CFAP54: variants seen among roughly 807,000 people sequenced by gnomAD.
CFAP54 encodes the protein cilia and flagella associated protein 54.
A neutral mutation model predicts 370.4 loss-of-function variants in CFAP54; 290 were observed. That is an observed-to-expected ratio of 0.78 (90% confidence interval 0.71 to 0.86). The LOEUF is 0.86. CFAP54 is among the 40% of genes least tolerant of loss of function. CFAP54 has a pLI of 0.00. For synonymous variants in CFAP54, 1,206 were observed against 1,236.5 expected, an observed-to-expected ratio of 0.98 and a Z score of 0.52; for missense variants, 3,399 against 3,528.7, an observed-to-expected ratio of 0.96 and a Z score of 0.93.
chr12:96,575,318 C>T (rs1168106002), intron 19 of CFAP54, among the ~76,000 whole-genome samples: 1 of 152,084 alleles, frequency 6.6e-6, no homozygotes, highest in Non-Finnish European at 1.5e-5. Flanking sequence ...AAAACATTTT[C>T]TCCCATTCTG....
intron 15 of CFAP54, among the ~76,000 whole-genome samples, chr12:96,550,104 C>CT (rs1469794395): frequency 6.6e-6 from 1 of 152,126 alleles, no homozygotes; most frequent in African/African-American, 2.4e-5. Flanking sequence ...TTATACTGGG[C>CT]TATGGCAACT....
At chr12:96,543,590 T>C (rs1037468315) in intron 14 of CFAP54, among the ~76,000 whole-genome samples, 6 of 133,578 alleles carry the variant, frequency 4.5e-5, no homozygotes, top group African/African-American at 1.6e-4. Flanking sequence ...TATTTTTGAG[T>C]GTGTAATGGA....
intron 60 of CFAP54, among the ~76,000 whole-genome samples, chr12:96,780,204 AG>A (rs1329428259): frequency 6.6e-6 from 1 of 152,134 alleles, no homozygotes; most frequent in Admixed American, 6.5e-5. Flanking sequence ...CCAATTAATT[AG>A]TCCTTATAAT....
Position 96,738,644 on chromosome 12 carries a change from C to T in CFAP54, c.6966-1312C>T, listed in dbSNP as rs1320216487. Among the ~76,000 whole-genome samples, 3 of 144,762 alleles carry T rather than the reference C, an allele frequency of 2.1e-5. No individual in the cohort carries two copies. In the East Asian group the frequency reaches 6.6e-4, roughly 32 times the overall value. 95.0% of individuals were successfully genotyped at this position (144,762 alleles called of 152,430 possible). A position where few individuals can be genotyped will look rare whatever the true frequency, so the allele number is the denominator to read the frequency against. On this transcript the variant is annotated intron_variant, in intron 50 of 67. Transcript: ENST00000524981. ...TTTTTTTTTTTGAAACGGGGTCTCA[C>T]TCTGTCGCCGGGCTGGAGTTCAATG...
intron 19 of CFAP54, among the ~76,000 whole-genome samples, chr12:96,574,900 T>C (rs1296641683): frequency 6.6e-6 from 1 of 152,146 alleles, no homozygotes. Flanking sequence ...TGAGAGGATA[T>C]CTGTTTCTCT....
chr12:96,554,412 C>G (rs747867302), intron 16 of CFAP54, 102 bp downstream of exon 16: 2 of 1,322,134 alleles, frequency 1.5e-6, no homozygotes, highest in Non-Finnish European at 2.0e-6. Context: ...GTTGGCTTAC[C>G]TCTCATAGGC....
chr12:96,689,097 A>T (rs1039052677), intron 43 of CFAP54, 115 bp downstream of exon 43: 3 of 576,202 alleles, frequency 5.2e-6, no homozygotes, highest in Non-Finnish European at 6.0e-6. Context: ...ATGAATCTTG[A>T]TTAAATATGA....
Position 96,700,084 on chromosome 12 carries a change from A to G in CFAP54, c.6465A>G (p.Gly2155=), listed in dbSNP as rs548775700. ...TACCTGCAGGCTATAAAGCCACTGG[A>G]AAAATGAAGGTAACCTGACAATTTG... ...CPIPAGYKAT[G]KMKIFQSFDS... is the part of the protein sequence containing the mutation. The change falls in exon 46 of 68, where the codon GGA becomes GGG. Residue 2155 remains glycine, a synonymous_variant. Transcript: ENST00000524981. 3 of 1,603,590 alleles carry G rather than the reference A, an allele frequency of 1.9e-6. No individual in the cohort carries two copies. In the Admixed American group the frequency reaches 5.3e-5, roughly 28 times the overall value.
chr12:96,519,172 C>T, intron 6 of CFAP54, 101 bp downstream of exon 6: 1 of 1,164,402 alleles, frequency 8.6e-7, no homozygotes. Flanking sequence ...GATCTCGGCT[C>T]ACTGCAACGT....
intron 42 of CFAP54, among the ~76,000 whole-genome samples, chr12:96,687,642 A>C (rs1356537773): frequency 6.6e-6 from 1 of 152,178 alleles, no homozygotes; most frequent in East Asian, 1.9e-4. Context: ...GGAAGTAAGA[A>C]AGTACTGCTT....
intron 1 of CFAP54, among the ~76,000 whole-genome samples, chr12:96,494,791 A>G (rs1258345956): frequency 1.3e-5 from 2 of 151,864 alleles, no homozygotes; most frequent in Admixed American, 6.6e-5. Context: ...CAATGACGCA[A>G]TCTCGGCTCT....
intron 19 of CFAP54, among the ~76,000 whole-genome samples, chr12:96,573,715 A>G (rs1029461728): frequency 2.0e-5 from 3 of 152,210 alleles, no homozygotes; most frequent in South Asian, 2.1e-4. Context: ...ATGTCATCTT[A>G]TCTCCTTGAT....
chr12:96,853,128 G>A (rs1221494690), intron 66 of CFAP54, among the ~76,000 whole-genome samples: 1 of 152,044 alleles, frequency 6.6e-6, no homozygotes, highest in African/African-American at 2.4e-5. Context: ...TGACATATAT[G>A]CATCAAAAGA....
At chr12:96,671,389 G>GT (rs202116555) in intron 39 of CFAP54, among the ~76,000 whole-genome samples, 1,946 of 151,916 alleles carry the variant, frequency 0.013, 40 homozygotes, top group African/African-American at 0.043. Context: ...ATAATTTAGG[G>GT]GTTTTTTTTG....
chr12:96,569,036 A>T (rs1955887742), intron 19 of CFAP54, among the ~76,000 whole-genome samples: 1 of 151,566 alleles, frequency 6.6e-6, no homozygotes, highest in African/African-American at 2.4e-5. Context: ...CCTAGGATCC[A>T]TACTGGATGT....
intron 51 of CFAP54, among the ~76,000 whole-genome samples, chr12:96,742,238 T>G (rs1046983978): frequency 6.6e-6 from 1 of 152,230 alleles, no homozygotes; most frequent in East Asian, 1.9e-4. Flanking sequence ...AAAATGTTAA[T>G]AGAGGATTTC....
intron 67 of CFAP54, among the ~76,000 whole-genome samples, chr12:96,865,768 A>G (rs1397878636): frequency 1.3e-5 from 2 of 152,156 alleles, no homozygotes; most frequent in East Asian, 3.9e-4. Context: ...AAATTGAACT[A>G]TGATTCTCAT....
At chr12:96,619,752 G>A (rs1956464158) in intron 26 of CFAP54, among the ~76,000 whole-genome samples, 1 of 152,188 alleles carries the variant, frequency 6.6e-6, no homozygotes, top group African/African-American at 2.4e-5. Flanking sequence ...ATTAAGTAGA[G>A]TGGAGAGCAG....
rs1475662300 is a variant in CFAP54, at chr12:96,528,056, G to C, written c.1357+612G>C. Among the ~76,000 whole-genome samples the C allele has an allele frequency of 3.9e-5, 6 of 152,038 alleles. No homozygotes were observed. In the South Asian group the frequency reaches 1.2e-3, roughly 31 times the overall value. ...CATTTCTTGATGGTTGCACTGGCTAGGATCTCCAATAACACATGGGAAGAA... is the reference window on the plus strand; with the variant it reads ...CATTTCTTGATGGTTGCACTGGCTACGATCTCCAATAACACATGGGAAGAA... On this transcript the variant is annotated intron_variant, in intron 9 of 67. Transcript: ENST00000524981.
Sources: gnomAD v4.1 joint callset for allele counts (sites outside exome capture counted in the v4.1 genomes callset) on GRCh38, gnomAD v4.1.1 for gene constraint, MANE v1.5 for transcripts, NCBI Gene and HGNC (gene_info 2026-07-23, HGNC 2026-07-21) for gene names.